CEP128: variants seen among roughly 807,000 people sequenced by gnomAD.
CEP128 encodes centrosomal protein 128, also known as centrosomal protein 128kDa.
In CEP128, 132 loss-of-function variants were observed where a neutral mutation model predicts 156.7. The ratio of observed to expected loss-of-function variants is 0.84; its 90% CI spans 0.73 to 0.97. The LOEUF (loss-of-function observed/expected upper bound fraction) is 0.97. Among genes scored for constraint, CEP128 ranks in the 50% least tolerant of loss-of-function variants. The pLI is 0.00. For synonymous variants in CEP128, 469 were observed against 448.9 expected (o/e 1.04, Z -0.57); for missense variants, 1,252 against 1,281.9 (o/e 0.98, Z 0.36).
intron 19 of CEP128, among the ~76,000 whole-genome samples, chr14:80,666,159 G>C (rs1323818090): frequency 6.6e-6 from 1 of 152,108 alleles, no homozygotes; most frequent in African/African-American, 2.4e-5. Context: ...TGTGGCCCCA[G>C]GATAAACCTC....
chr14:80,666,182 T>C (rs1311516169), intron 19 of CEP128, among the ~76,000 whole-genome samples: 1 of 152,138 alleles, frequency 6.6e-6, no homozygotes, highest in East Asian at 1.9e-4. Flanking sequence ...AGGAATCCTT[T>C]TAAATAAAAC....
chr14:80,518,343 C>T (rs1055176306), intron 23 of CEP128, among the ~76,000 whole-genome samples: 7 of 151,830 alleles, frequency 4.6e-5, no homozygotes, highest in South Asian at 4.2e-4. Flanking sequence ...GATTCTTAGT[C>T]GCCCTAGGAA....
intron 19 of CEP128, among the ~76,000 whole-genome samples, chr14:80,692,313 A>C (rs1433568238): frequency 6.6e-6 from 1 of 152,212 alleles, no homozygotes; most frequent in African/African-American, 2.4e-5. Context: ...TCATATCCAG[A>C]AATCAACTTC....
rs148595332 is a variant in CEP128 at position 80,877,494 on chromosome 14, C to T, written c.646-14621G>A. On this transcript the variant is annotated intron_variant, in intron 8 of 24. Coordinates refer to ENST00000555265, the MANE Select transcript of CEP128 (RefSeq NM_152446.5). Reference sequence around the variant, plus strand: ...AACTTCTTTGAGTGACATCAGCAAGCTGGCCAACTAAAAGCTCCTAGCACT... The same window carrying T: ...AACTTCTTTGAGTGACATCAGCAAGTTGGCCAACTAAAAGCTCCTAGCACT... Among the ~76,000 whole-genome samples, 214 of 152,250 alleles carry T rather than the reference C, an allele frequency of 1.4e-3. 2 individuals carry two copies. The highest frequency in any genetic ancestry group is 4.6e-3 in the African/African-American group (192 of 41,544).
chr14:80,637,613 A>G (rs1354375787), intron 19 of CEP128, among the ~76,000 whole-genome samples: 1 of 152,214 alleles, frequency 6.6e-6, no homozygotes, highest in Non-Finnish European at 1.5e-5. Context: ...AAATCACTGT[A>G]TTACTTAAAT....
At chr14:80,695,212 A>G in intron 19 of CEP128, among the ~76,000 whole-genome samples, 1 of 152,098 alleles carries the variant, frequency 6.6e-6, no homozygotes. Flanking sequence ...AGAAAAGAAA[A>G]AAAAAAAACT....
At chr14:80,537,559 T>C (rs547846310) in intron 21 of CEP128, among the ~76,000 whole-genome samples, 29 of 152,216 alleles carry the variant, frequency 1.9e-4, no homozygotes, top group Non-Finnish European at 3.2e-4. Flanking sequence ...TACAACTGTT[T>C]TACAAGAAGG....
At chr14:80,629,136 C>A (rs951084017) in intron 19 of CEP128, among the ~76,000 whole-genome samples, 1 of 127,958 alleles carries the variant, frequency 7.8e-6, no homozygotes, top group Non-Finnish European at 1.6e-5. Flanking sequence ...TCACTACTTT[C>A]TTTCCAAATG....
chr14:80,915,665 T>C (rs1884506406), intron 3 of CEP128, among the ~76,000 whole-genome samples: 1 of 152,192 alleles, frequency 6.6e-6, no homozygotes, highest in African/African-American at 2.4e-5. Flanking sequence ...CTCTTTATTT[T>C]CACCCACAAA....
chr14:80,584,682 A>C (rs1308293615), intron 19 of CEP128, among the ~76,000 whole-genome samples: 3 of 152,178 alleles, frequency 2.0e-5, no homozygotes, highest in Non-Finnish European at 4.4e-5. Flanking sequence ...AACAGACAAA[A>C]CACAAGAGAA....
chr14:80,523,614 C>A (rs1322394319), intron 23 of CEP128, among the ~76,000 whole-genome samples: 1 of 152,110 alleles, frequency 6.6e-6, no homozygotes, highest in Admixed American at 6.5e-5. Context: ...CCTCCAACTA[C>A]AACAAAAAAG....
chr14:80,768,430 G>C (rs1900350550), intron 16 of CEP128, among the ~76,000 whole-genome samples: 1 of 152,078 alleles, frequency 6.6e-6, no homozygotes, highest in African/African-American at 2.4e-5. Flanking sequence ...AACAAGCAAA[G>C]GAACACTATG....
intron 23 of CEP128, among the ~76,000 whole-genome samples, chr14:80,520,301 C>G (rs1888678924): frequency 6.6e-6 from 1 of 152,106 alleles, no homozygotes; most frequent in Non-Finnish European, 1.5e-5. Flanking sequence ...TGCCTGTGAT[C>G]CCAGCTACTC....
chr14:80,616,898 T>A (rs73328690), intron 19 of CEP128, among the ~76,000 whole-genome samples: 19,764 of 152,114 alleles, frequency 0.13, 2,150 homozygotes, highest in African/African-American at 0.3. Flanking sequence ...ACAGAAATGA[T>A]ATAATAAAAG....
chr14:80,607,154 ATG>A lies in CEP128; in HGVS notation c.2807-26733_2807-26732del, dbSNP rs572838894. On this transcript the variant is annotated intron_variant, in intron 19 of 24. Coordinates refer to ENST00000555265, the MANE Select transcript of CEP128 (RefSeq NM_152446.5). ...TAGAGAAAGCCTTTGATATTGTTAA[ATG>A]TGTTATGTACATATTTACGTAAATC... 9.5e-4 allele frequency among the ~76,000 whole-genome samples: 144 copies of A among 152,140 alleles called. No individual in the cohort carries two copies. In the Middle Eastern group the frequency reaches 0.024, roughly 25 times the overall value.
At chr14:80,618,717 C>G (rs927525958) in intron 19 of CEP128, among the ~76,000 whole-genome samples, 1 of 152,168 alleles carries the variant, frequency 6.6e-6, no homozygotes, top group East Asian at 1.9e-4. Flanking sequence ...GACACTGGAA[C>G]TGAGATTCCT....
chr14:80,632,550 T>C lies in CEP128; in HGVS notation c.2807-52127A>G, dbSNP rs965817933. Among the ~76,000 whole-genome samples, 6 of 149,246 alleles carry C rather than the reference T, an allele frequency of 4.0e-5. 1 individual carries two copies. In the South Asian group the frequency reaches 8.4e-4, roughly 21 times the overall value. ...GTTATCCTTGGAGTCCATCATACTATATATAATATATAAAATCTATTATCT... is the reference window on the plus strand; with the variant it reads ...GTTATCCTTGGAGTCCATCATACTACATATAATATATAAAATCTATTATCT... On this transcript the variant is annotated intron_variant, in intron 19 of 24. Transcript: ENST00000555265.
At chr14:80,829,311 C>A (rs543460756) in intron 13 of CEP128, among the ~76,000 whole-genome samples, 1 of 152,262 alleles carries the variant, frequency 6.6e-6, no homozygotes, top group South Asian at 2.1e-4. Context: ...TTTGTGATGT[C>A]CTTTGCAATG....
chr14:80,886,765 A>G (rs1888826209), intron 8 of CEP128, among the ~76,000 whole-genome samples: 1 of 152,220 alleles, frequency 6.6e-6, no homozygotes, highest in Non-Finnish European at 1.5e-5. Flanking sequence ...ACAGGATCAA[A>G]TTCACACATA....
Sources: allele counts gnomAD v4.1 joint callset (sites outside exome capture counted in the v4.1 genomes callset), GRCh38; gene constraint gnomAD v4.1.1; transcripts MANE v1.5; gene names NCBI Gene and HGNC (gene_info 2026-07-23, HGNC 2026-07-21).